The following ZNF516 variants were observed in gnomAD, a reference collection of about 807,000 sequenced individuals.
The protein encoded by ZNF516 is zinc finger protein 516.
Under a neutral mutation model 79.7 loss-of-function variants are expected in ZNF516, and 19 were observed. The ratio of observed to expected loss-of-function variants is 0.24; its 90% CI spans 0.17 to 0.35. The LOEUF (loss-of-function observed/expected upper bound fraction) is 0.35, where lower values mean the gene tolerates loss of function less well. ZNF516 is among the 10% of genes least tolerant of loss of function. The probability of loss-of-function intolerance (pLI) is 1.00; values close to 1 mark genes in which losing one functional copy is unlikely to be tolerated. For missense variants in ZNF516, 1,678 were observed against 1,679.5 expected (o/e 1.00, Z 0.02); for synonymous variants, 877 against 739.5 (o/e 1.19, Z -3.02).
chr18:76,461,452 A>T (rs1405087265), intron 2 of ZNF516, among the ~76,000 whole-genome samples: 2 of 152,136 alleles, frequency 1.3e-5, no homozygotes, highest in African/African-American at 2.4e-5. Flanking sequence ...GCGTCTCCAC[A>T]CACCTGGGAC....
At chr18:76,457,005 G>A (rs1487553251) in intron 2 of ZNF516, among the ~76,000 whole-genome samples, 2 of 152,196 alleles carry the variant, frequency 1.3e-5, no homozygotes, top group Non-Finnish European at 2.9e-5. Context: ...GCCACAGAAA[G>A]GGAAGACCAC....
chr18:76,469,701 A>C (rs1164753474), intron 1 of ZNF516, among the ~76,000 whole-genome samples: 1 of 152,214 alleles, frequency 6.6e-6, no homozygotes, highest in African/African-American at 2.4e-5. Flanking sequence ...TCCGTTAGAA[A>C]GTCCTGGAAT....
intron 1 of ZNF516, among the ~76,000 whole-genome samples, chr18:76,487,769 C>CCG (rs1914913311): frequency 8.9e-6 from 1 of 112,350 alleles, no homozygotes; most frequent in African/African-American, 2.6e-5. Flanking sequence ...CCCAAACTCA[C>CCG]TGGTTCCTGG....
intron 2 of ZNF516, among the ~76,000 whole-genome samples, chr18:76,460,280 G>A (rs1028699551): frequency 6.6e-6 from 1 of 152,148 alleles, no homozygotes; most frequent in Middle Eastern, 3.2e-3. Context: ...TCACAGACGA[G>A]GACGCTGAGG....
At chr18:76,453,509 C>G (rs1817358706) in intron 2 of ZNF516, among the ~76,000 whole-genome samples, 2 of 152,208 alleles carry the variant, frequency 1.3e-5, no homozygotes, top group African/African-American at 2.4e-5. Context: ...GCGCATAACT[C>G]AGAAACACTG....
chr18:76,410,154 G>C (rs1330368020), intron 3 of ZNF516, among the ~76,000 whole-genome samples: 3 of 152,168 alleles, frequency 2.0e-5, no homozygotes, highest in African/African-American at 4.8e-5. Context: ...GTCTTTGTTA[G>C]CAGCGTTAAA....
In ZNF516 at chr18:76,493,065, A is replaced by C; in HGVS notation, c.-272+2079T>G. Reference sequence around the variant, plus strand: ...GCCAGCAGAGCCGTCACTCACGCCCAGGGGGCAGGGAGACTTCGCAAAGCT... The same window carrying C: ...GCCAGCAGAGCCGTCACTCACGCCCCGGGGGCAGGGAGACTTCGCAAAGCT... On this transcript the variant is annotated intron_variant, in intron 1 of 6. Transcript: ENST00000443185. The surrounding 1 kb of genome is among the most constrained non-coding windows in gnomAD (Gnocchi z 5.2). 6.1e-6 allele frequency: 6 copies of C among 983,918 alleles called. No individual in the cohort carries two copies. The highest frequency in any genetic ancestry group is 7.2e-6 in the Non-Finnish European group (6 of 829,750). 60.9% of individuals were successfully genotyped at this position (983,918 alleles called of 1,614,324 possible). A position where few individuals can be genotyped will look rare whatever the true frequency, so the allele number is the denominator to read the frequency against.
rs542690566 is a variant in ZNF516, at chr18:76,362,206, T to C, written c.*292A>G. On this transcript the variant is annotated 3_prime_UTR_variant, in exon 7 of 7. Transcript: ENST00000443185. Reference sequence around the variant, plus strand: ...TACTGTGCCTGCCAGTACTACTGTTTATTATAAGAAAATATGGGACTATGG... The same window carrying C: ...TACTGTGCCTGCCAGTACTACTGTTCATTATAAGAAAATATGGGACTATGG... The C allele has an allele frequency of 4.4e-5, 15 of 338,932 alleles. No homozygotes were observed. Among genetic ancestry groups the C allele is most frequent in the Admixed American group, 1.3e-4 (3 of 23,982 alleles). The allele number at this position is 338,932 out of a possible 1,614,324, so 21.0% of individuals were successfully genotyped here.
At chr18:76,416,154 T>A (rs904589578) in intron 3 of ZNF516, among the ~76,000 whole-genome samples, 1 of 152,248 alleles carries the variant, frequency 6.6e-6, no homozygotes, top group Non-Finnish European at 1.5e-5. Flanking sequence ...AACACAAATG[T>A]TCACTTAGTA....
intron 3 of ZNF516, among the ~76,000 whole-genome samples, chr18:76,410,122 T>A (rs1285716477): frequency 6.6e-6 from 1 of 152,162 alleles, no homozygotes; most frequent in Non-Finnish European, 1.5e-5. Flanking sequence ...CTTTCCTTTA[T>A]AAATCACCCA....
chr18:76,400,190 G>A (rs549609671), intron 3 of ZNF516, among the ~76,000 whole-genome samples: 3 of 152,298 alleles, frequency 2.0e-5, no homozygotes, highest in African/African-American at 7.2e-5. Context: ...GGCCGACTTG[G>A]GGCAGAAGCC....
chr18:76,432,791 G>C lies in ZNF516; in HGVS notation c.1810+8454C>G, dbSNP rs138527136. The stretch of plus-strand genomic sequence containing the variant: ...GGCCCAGGCAGGACCCCATGCCCAG[G>C]GTCACTCGATGTTAGCATCACTCTC... On this transcript the variant is annotated intron_variant, in intron 3 of 6. Coordinates refer to ENST00000443185, the MANE Select transcript of ZNF516 (RefSeq NM_014643.4). 4.6e-3 allele frequency among the ~76,000 whole-genome samples: 700 copies of C among 152,292 alleles called. 8 individuals are homozygous for C. The highest frequency in any genetic ancestry group is 0.015 in the African/African-American group (636 of 41,552).
intron 3 of ZNF516, among the ~76,000 whole-genome samples, chr18:76,381,607 G>C (rs1407255265): frequency 6.6e-6 from 1 of 152,232 alleles, no homozygotes; most frequent in African/African-American, 2.4e-5. Context: ...TTCTTCATCA[G>C]GGTGAGACAG....
chr18:76,415,506 C>G (rs956149192), intron 3 of ZNF516, among the ~76,000 whole-genome samples: 6 of 152,212 alleles, frequency 3.9e-5, no homozygotes, highest in Admixed American at 3.3e-4. Flanking sequence ...CAAGGGGGTG[C>G]AAAGAGGGCA....
chr18:76,464,141 T>C (rs690369), intron 1 of ZNF516, among the ~76,000 whole-genome samples: 71,510 of 151,740 alleles, frequency 0.47, 17,052 homozygotes, highest in East Asian at 0.54. Flanking sequence ...CTGGCCAACA[T>C]GGTAAAACCC....
chr18:76,488,365 T>C (rs1420407667), intron 1 of ZNF516: 1 of 565,574 alleles, frequency 1.8e-6, no homozygotes, highest in Non-Finnish European at 2.2e-6. Flanking sequence ...GGATGCTAGT[T>C]AGGCAATAAA....
chr18:76,408,051 A>G lies in ZNF516; in HGVS notation c.1811-27748T>C, dbSNP rs568614035. Among the ~76,000 whole-genome samples, 413 of 152,310 alleles carry G rather than the reference A, an allele frequency of 2.7e-3. 5 individuals are homozygous for G. The highest frequency in any genetic ancestry group is 2.9e-3 in the Non-Finnish European group (199 of 68,026). On this transcript the variant is annotated intron_variant, in intron 3 of 6. Coordinates refer to ENST00000443185, the MANE Select transcript of ZNF516 (RefSeq NM_014643.4). Reference sequence around the variant, plus strand: ...CACGCTAGACATGCACCATTTTAAAAGGACCAGAAGGCTTTTTCCCATATG... The same window carrying G: ...CACGCTAGACATGCACCATTTTAAAGGGACCAGAAGGCTTTTTCCCATATG...
At chr18:76,372,853 C>A (rs189389358) in intron 4 of ZNF516, 1 of 152,386 alleles carries the variant, frequency 6.6e-6, no homozygotes, top group East Asian at 1.9e-4. Context: ...TCAACCAACA[C>A]TCAAGTTAAC....
intron 4 of ZNF516, 40 bp downstream of exon 4, chr18:76,378,815 T>TCA (rs749259448): frequency 3.4e-5 from 54 of 1,580,724 alleles, no homozygotes; most frequent in South Asian, 2.3e-4. Context: ...GTTCTGGGGG[T>TCA]CACATGTGGC....
Sources: allele counts gnomAD v4.1 joint callset (sites outside exome capture counted in the v4.1 genomes callset), GRCh38; gene constraint gnomAD v4.1.1; non-coding constraint Gnocchi (gnomAD v3.1); transcripts MANE v1.5; gene names NCBI Gene and HGNC (gene_info 2026-07-23, HGNC 2026-07-21).